RXFP1: variants seen among roughly 807,000 people sequenced by gnomAD.
RXFP1 encodes the protein relaxin family peptide receptor 1, also known as relaxin receptor 1.
Under a neutral mutation model 89.8 loss-of-function variants are expected in RXFP1, and 73 were observed. That is an observed-to-expected ratio of 0.81 (90% CI 0.67 to 0.99). The LOEUF is 0.99. RXFP1 is among the 50% of genes least tolerant of loss of function. The probability of loss-of-function intolerance (pLI) is 0.00; values close to 1 mark genes in which losing one functional copy is unlikely to be tolerated. For missense variants in RXFP1, 793 were observed against 895.5 expected (o/e 0.89, Z 1.46); for synonymous variants, 277 against 305.5 (o/e 0.91, Z 0.97).
At chr4:158,563,819 T>C (rs112143345) in intron 1 of RXFP1, among the ~76,000 whole-genome samples, 5,534 of 150,264 alleles carry the variant, frequency 0.037, 337 homozygotes, top group African/African-American at 0.13. Flanking sequence ...CCTAGTGACA[T>C]TGTAGCCATT....
At chr4:158,533,801 C>T (rs1744638910) in intron 1 of RXFP1, among the ~76,000 whole-genome samples, 1 of 152,160 alleles carries the variant, frequency 6.6e-6, no homozygotes, top group Non-Finnish European at 1.5e-5. Context: ...ATTTCACTTA[C>T]ACCTGCCTTT....
At chr4:158,582,686 A>G (rs1168631919) in intron 2 of RXFP1, among the ~76,000 whole-genome samples, 1 of 152,178 alleles carries the variant, frequency 6.6e-6, no homozygotes, top group Non-Finnish European at 1.5e-5. Context: ...GTCAAGCCAG[A>G]GTGTGCAATA....
At chr4:158,594,920 A>T (rs1006795766) in intron 3 of RXFP1, among the ~76,000 whole-genome samples, 4 of 152,138 alleles carry the variant, frequency 2.6e-5, no homozygotes, top group African/African-American at 9.7e-5. Context: ...AATGTTATAT[A>T]ATAATAACTA....
intron 2 of RXFP1, among the ~76,000 whole-genome samples, chr4:158,573,424 G>A (rs1249791391): frequency 2.0e-5 from 3 of 152,190 alleles, no homozygotes; most frequent in Admixed American, 2.0e-4. Flanking sequence ...CAGGCTGCAT[G>A]CGGCCCGGGA....
intron 4 of RXFP1, among the ~76,000 whole-genome samples, chr4:158,603,935 A>C (rs1477285954): frequency 6.7e-6 from 1 of 148,178 alleles, no homozygotes; most frequent in Non-Finnish European, 1.5e-5. Flanking sequence ...TAATACAGAT[A>C]TACTATATAT....
chr4:158,542,286 C>T (rs1747006891), intron 1 of RXFP1, among the ~76,000 whole-genome samples: 1 of 151,124 alleles, frequency 6.6e-6, no homozygotes, highest in Non-Finnish European at 1.5e-5. Context: ...TCACACATTG[C>T]ATTCAGCGGC....
At chr4:158,587,885 T>C (rs1469737485) in intron 2 of RXFP1, among the ~76,000 whole-genome samples, 2 of 152,134 alleles carry the variant, frequency 1.3e-5, no homozygotes, top group African/African-American at 4.8e-5. Context: ...ATGACTTCTT[T>C]CAGGGCTAAA....
chr4:158,627,095 T>C (rs935917320), intron 10 of RXFP1, among the ~76,000 whole-genome samples: 1 of 140,946 alleles, frequency 7.1e-6, no homozygotes, highest in East Asian at 1.9e-4. Context: ...AGTTTTTCTT[T>C]ACAATTGTGA....
At chr4:158,626,697 G>C in intron 9 of RXFP1, 123 bp from the exon 10 acceptor site, 1 of 521,918 alleles carries the variant, frequency 1.9e-6, no homozygotes, top group Non-Finnish European at 3.3e-6. Context: ...CTACAAGTGA[G>C]AGTCTATATG....
At chr4:158,546,277 T>C (rs1160218557) in intron 1 of RXFP1, among the ~76,000 whole-genome samples, 1 of 152,232 alleles carries the variant, frequency 6.6e-6, no homozygotes, top group East Asian at 1.9e-4. Context: ...ATAAGAATGC[T>C]TGGGATTTTC....
chr4:158,556,224 C>CAAAAAAAAAAAAAAAAAAA, intron 1 of RXFP1, among the ~76,000 whole-genome samples: 1 of 132,480 alleles, frequency 7.5e-6, no homozygotes, highest in South Asian at 2.4e-4. Flanking sequence ...AACTTAACAG[C>CAAAAAAAAAAAAAAAAAAA]AAAAAAAAAA....
intron 1 of RXFP1, among the ~76,000 whole-genome samples, chr4:158,539,261 CAT>C (rs1746012609): frequency 1.3e-5 from 2 of 152,182 alleles, no homozygotes; most frequent in South Asian, 4.1e-4. Context: ...TGTTCTCACT[CAT>C]AGGTGGGAAT....
chr4:158,612,392 A>G, intron 8 of RXFP1, 30 bp downstream of exon 8: 1 of 1,442,746 alleles, frequency 6.9e-7, no homozygotes. Flanking sequence ...AAATATTTCA[A>G]TCAAAGGCAA....
intron 13 of RXFP1, among the ~76,000 whole-genome samples, chr4:158,638,487 T>A (rs1769670784): frequency 1.3e-5 from 2 of 152,136 alleles, no homozygotes; most frequent in Non-Finnish European, 2.9e-5. Flanking sequence ...ACAAAAATTC[T>A]GTTAGAGCCA....
chr4:158,522,973 G>A (rs1315607960), intron 1 of RXFP1, among the ~76,000 whole-genome samples: 1 of 152,110 alleles, frequency 6.6e-6, no homozygotes. Flanking sequence ...ATATGTCAAA[G>A]TGATTATATC....
At chr4:158,523,075 T>TG (rs1741578394) in intron 1 of RXFP1, among the ~76,000 whole-genome samples, 2 of 152,330 alleles carry the variant, frequency 1.3e-5, no homozygotes, top group Non-Finnish European at 2.9e-5. Context: ...TTCAGAATCC[T>TG]GGGGAAATAT....
chr4:158,527,660 T>C (rs1293334561), intron 1 of RXFP1, among the ~76,000 whole-genome samples: 4 of 151,098 alleles, frequency 2.6e-5, no homozygotes, highest in African/African-American at 9.7e-5. Context: ...AGTTTCTTTT[T>C]CCACTTCCCA....
intron 1 of RXFP1, among the ~76,000 whole-genome samples, chr4:158,530,528 T>G (rs1743763801): frequency 6.6e-6 from 1 of 152,218 alleles, no homozygotes; most frequent in African/African-American, 2.4e-5. Flanking sequence ...TTGTGGCTGA[T>G]TTGCTGGAAA....
At chr4:158,541,380 A>ACACACACACACACG (rs1248381072) in intron 1 of RXFP1, among the ~76,000 whole-genome samples, 11 of 151,834 alleles carry the variant, frequency 7.2e-5, no homozygotes, top group African/African-American at 2.7e-4. Context: ...ACACACACAC[A>ACACACACACACACG]CAGTGTCCAG....
Sources: gnomAD v4.1 joint callset for allele counts (sites outside exome capture counted in the v4.1 genomes callset) on GRCh38, gnomAD v4.1.1 for gene constraint, MANE v1.5 for transcripts, NCBI Gene and HGNC (gene_info 2026-07-23, HGNC 2026-07-21) for gene names.